Variants in NPAS3 observed in about 807,000 individuals in gnomAD.
NPAS3 encodes the protein neuronal PAS domain protein 3.
NPAS3 carries 14 observed loss-of-function variants against 73.1 expected under a neutral mutation model. The observed-to-expected ratio is 0.19, with a 90% CI of 0.13 to 0.30. The LOEUF (loss-of-function observed/expected upper bound fraction) is 0.30, where lower values mean the gene tolerates loss of function less well. NPAS3 is among the 10% of genes least tolerant of loss of function. NPAS3 has a pLI of 1.00. For missense variants in NPAS3, 1,096 were observed against 1,250.0 expected (o/e 0.88, Z 1.86); for synonymous variants, 620 against 541.5 (o/e 1.14, Z -2.01).
In NPAS3 at chr14:33,152,825, G is replaced by A. The variant is rs115400741; in HGVS notation, c.141-62357G>A. Among the ~76,000 whole-genome samples the A allele has an allele frequency of 3.8e-3, 573 of 151,964 alleles. 3 individuals are homozygous for A. The highest frequency in any genetic ancestry group is 0.013 in the African/African-American group (528 of 41,416). ...TTTCATTCAATGTGTTGGGTTCTTG[G>A]TGGTCTCTTTTAATCTGGAAATGTA... On this transcript the variant is annotated intron_variant, in intron 2 of 11. Coordinates refer to ENST00000356141, the Ensembl canonical transcript of NPAS3.
intron 5 of NPAS3, among the ~76,000 whole-genome samples, chr14:33,615,981 T>G (rs564220877): frequency 6.6e-6 from 1 of 152,214 alleles, no homozygotes; most frequent in Non-Finnish European, 1.5e-5. Flanking sequence ...ATGAGCCCAA[T>G]AGAAAGTCCA....
At position 33,625,791 on chromosome 14, in the gene NPAS3, C is replaced by T. The variant is rs540578081; in HGVS notation, c.559-50420C>T. ...TATTGTCTCCAAATAATAATAATAA[C>T]ATTTGGGTATAAAGAATGGAAAATG... On this transcript the variant is annotated intron_variant, in intron 5 of 11. Coordinates refer to ENST00000356141, the Ensembl canonical transcript of NPAS3. 7.2e-5 allele frequency among the ~76,000 whole-genome samples: 11 copies of T among 152,198 alleles called. No homozygotes were observed. In the South Asian group the frequency reaches 2.3e-3, roughly 32 times the overall value.
intron 4 of NPAS3, among the ~76,000 whole-genome samples, chr14:33,409,797 G>A (rs1316277734): frequency 3.9e-5 from 6 of 152,132 alleles, no homozygotes; most frequent in South Asian, 2.1e-4. Context: ...TAGTGACTAC[G>A]AGAATATGGA....
chr14:33,190,946 A>T (rs889582344), intron 2 of NPAS3, among the ~76,000 whole-genome samples: 2 of 152,212 alleles, frequency 1.3e-5, no homozygotes, highest in African/African-American at 4.8e-5. Context: ...TGTTATGAAG[A>T]TAATAGATGC....
chr14:33,608,745 A>G (rs1390096437), intron 5 of NPAS3: 1 of 152,192 alleles, frequency 6.6e-6, no homozygotes, highest in Non-Finnish European at 1.5e-5. Context: ...TCACCCAGTT[A>G]TTATGCCTAG....
intron 1 of NPAS3, among the ~76,000 whole-genome samples, chr14:32,946,348 G>GCGCGCACACACACA (rs1233572564): frequency 4.9e-4 from 69 of 139,402 alleles, no homozygotes; most frequent in African/African-American, 1.9e-3. Context: ...ACACACACGC[G>GCGCGCACACACACA]CACACACACA....
intron 4 of NPAS3, among the ~76,000 whole-genome samples, chr14:33,493,345 C>G (rs1348475144): frequency 6.7e-6 from 1 of 149,856 alleles, no homozygotes; most frequent in Non-Finnish European, 1.5e-5. Context: ...TTTTCACACT[C>G]CTAATTTATA....
At chr14:33,560,053 C>T (rs1595155186) in intron 4 of NPAS3, 68 bp from the exon 5 acceptor site, 4 of 667,992 alleles carry the variant, frequency 6.0e-6, no homozygotes, top group East Asian at 5.8e-5. Context: ...TTCTCAGTTG[C>T]CTTACTAATT....
intron 2 of NPAS3, among the ~76,000 whole-genome samples, chr14:33,108,840 A>G (rs1208565808): frequency 6.6e-6 from 1 of 152,158 alleles, no homozygotes; most frequent in African/African-American, 2.4e-5. Flanking sequence ...CTTGCCTGCC[A>G]GCTTCAACAT....
exon 3 of NPAS3, chr14:33,215,356 C>A: frequency 6.2e-7 from 1 of 1,609,302 alleles, no homozygotes; most frequent in Non-Finnish European, 8.5e-7. Context: ...AAATGAGGGA[C>A]TTTGCTAACC....
chr14:33,145,441 GT>G (rs1423508454), intron 2 of NPAS3, among the ~76,000 whole-genome samples: 2 of 152,108 alleles, frequency 1.3e-5, no homozygotes, highest in Admixed American at 6.5e-5. Flanking sequence ...TTAAGGTTTT[GT>G]TTTTAAATTT....
At chr14:33,013,445 A>G (rs962729062) in intron 1 of NPAS3, among the ~76,000 whole-genome samples, 1 of 152,190 alleles carries the variant, frequency 6.6e-6, no homozygotes, top group Non-Finnish European at 1.5e-5. Flanking sequence ...GGATAGTTTT[A>G]CTATCTCCCT....
chr14:33,423,255 A>C (rs1478698044), intron 4 of NPAS3, among the ~76,000 whole-genome samples: 1 of 152,004 alleles, frequency 6.6e-6, no homozygotes, highest in Non-Finnish European at 1.5e-5. Context: ...AGGCTTTTTA[A>C]ATTGATTCTC....
chr14:33,328,263 T>TGTG (rs1246383629), intron 3 of NPAS3, among the ~76,000 whole-genome samples: 2 of 151,896 alleles, frequency 1.3e-5, no homozygotes, highest in Admixed American at 1.3e-4. Context: ...CTTTTGTGGC[T>TGTG]GTGGTTATTA....
At chr14:33,231,249 T>C (rs116788325) in intron 3 of NPAS3, among the ~76,000 whole-genome samples, 393 of 152,356 alleles carry the variant, frequency 2.6e-3, no homozygotes, top group African/African-American at 9.2e-3. Flanking sequence ...AAAGGATTTC[T>C]ATAGCAATTT....
chr14:33,588,146 C>T (rs544167206), intron 5 of NPAS3, among the ~76,000 whole-genome samples: 39 of 152,226 alleles, frequency 2.6e-4, no homozygotes, highest in African/African-American at 7.9e-4. Flanking sequence ...ATTATGAAGC[C>T]GCCGTCAAAC....
At chr14:33,794,192 A>G in intron 10 of NPAS3, 148 bp downstream of exon 10, 1 of 678,852 alleles carries the variant, frequency 1.5e-6, no homozygotes, top group Non-Finnish European at 2.5e-6. Flanking sequence ...TGTTCTTTCC[A>G]CAAGATTCAA....
chr14:33,351,852 A>G lies in NPAS3; in HGVS notation c.386-15334A>G, dbSNP rs563605777. On this transcript the variant is annotated intron_variant, in intron 3 of 11. Transcript: ENST00000356141. ...CATAAGTGGGAGTTGAACTATGAGA[A>G]CACATGGACCCAGGGAAGGGAGCAA... Among the ~76,000 whole-genome samples, 20 of 152,304 alleles carry G rather than the reference A, an allele frequency of 1.3e-4. 1 individual carries two copies. The South Asian group carries it at 4.2e-3, about 32-fold the overall frequency.
chr14:33,149,260 T>G (rs2044359844), intron 2 of NPAS3, among the ~76,000 whole-genome samples: 1 of 152,240 alleles, frequency 6.6e-6, no homozygotes, highest in Non-Finnish European at 1.5e-5. Context: ...CTTGATACGC[T>G]TTGTGCCTCC....
Sources: allele counts gnomAD v4.1 joint callset (sites outside exome capture counted in the v4.1 genomes callset), GRCh38; gene constraint gnomAD v4.1.1; transcripts MANE v1.5; gene names NCBI Gene and HGNC (gene_info 2026-07-23, HGNC 2026-07-21).